GNG4: variants seen among roughly 807,000 people sequenced by gnomAD.
The protein encoded by GNG4 is G protein subunit gamma 4.
GNG4 carries 4 observed loss-of-function variants against 5.8 expected under a neutral mutation model. The ratio of observed to expected loss-of-function variants is 0.69; its 90% confidence interval spans 0.34 to 1.57. The LOEUF (loss-of-function observed/expected upper bound fraction) is 1.57. GNG4 is among the 40% of genes most tolerant of loss of function. GNG4 has a pLI of 0.06. For missense variants in GNG4, 96 were observed against 95.1 expected (o/e 1.01, Z -0.04); for synonymous variants, 29 against 32.9 (o/e 0.88, Z 0.41).
chr1:235,632,285 C>T (rs1200513534), intron 1 of GNG4, among the ~76,000 whole-genome samples: 1 of 152,076 alleles, frequency 6.6e-6, no homozygotes, highest in Non-Finnish European at 1.5e-5. Context: ...CAGGGTCTCA[C>T]TAGATTGCTT....
chr1:235,579,419 A>AAACC (rs1553366443), intron 3 of GNG4, among the ~76,000 whole-genome samples: 38 of 149,614 alleles, frequency 2.5e-4, no homozygotes, highest in South Asian at 2.3e-3. Context: ...TAAAAAAAAA[A>AAACC]AAGTAAATAC....
intron 3 of GNG4, among the ~76,000 whole-genome samples, chr1:235,555,421 G>A (rs1572607089): frequency 1.3e-5 from 2 of 152,138 alleles, no homozygotes; most frequent in African/African-American, 4.8e-5. Context: ...TGCTTCTCAG[G>A]TGCCAGCACT....
chr1:235,600,430 GTGTGTGTGTA>G (rs1358523519), intron 1 of GNG4, among the ~76,000 whole-genome samples: 5 of 102,602 alleles, frequency 4.9e-5, no homozygotes, highest in African/African-American at 2.1e-4. Flanking sequence ...GTGTGTGTGT[GTGTGTGTGTA>G]TATGTGTGTG....
At chr1:235,611,985 G>C (rs1336774188) in intron 1 of GNG4, among the ~76,000 whole-genome samples, 1 of 140,628 alleles carries the variant, frequency 7.1e-6, no homozygotes, top group African/African-American at 2.6e-5. Flanking sequence ...AATTGCTTGA[G>C]CCTGGGAGGT....
chr1:235,580,697 C>T (rs546317818), intron 3 of GNG4, among the ~76,000 whole-genome samples: 48 of 148,248 alleles, frequency 3.2e-4, no homozygotes, highest in African/African-American at 1.0e-3. Context: ...CTTGCTTTCA[C>T]GTTTCCATTA....
intron 1 of GNG4, among the ~76,000 whole-genome samples, chr1:235,619,973 T>C (rs923131164): frequency 6.6e-6 from 1 of 152,212 alleles, no homozygotes; most frequent in Non-Finnish European, 1.5e-5. Flanking sequence ...AATTGAAAAA[T>C]AAAATATGAA....
At chr1:235,573,246 A>G (rs1426019227) in intron 3 of GNG4, among the ~76,000 whole-genome samples, 1 of 145,864 alleles carries the variant, frequency 6.9e-6, no homozygotes, top group Non-Finnish European at 1.5e-5. Context: ...CAAACGCCGC[A>G]TGTTCTCACT....
intron 1 of GNG4, among the ~76,000 whole-genome samples, chr1:235,607,535 G>A (rs939023739): frequency 5.9e-5 from 9 of 152,246 alleles, no homozygotes; most frequent in Non-Finnish European, 1.0e-4. Context: ...AAGTGGTTCT[G>A]TGAATTATCT....
chr1:235,613,390 G>A (rs375329685), intron 1 of GNG4, among the ~76,000 whole-genome samples: 9 of 152,264 alleles, frequency 5.9e-5, no homozygotes, highest in African/African-American at 2.2e-4. Context: ...ATGATAATGG[G>A]GGTTTTAGGT....
At chr1:235,628,423 G>GA (rs140412029) in intron 1 of GNG4, among the ~76,000 whole-genome samples, 6,073 of 151,886 alleles carry the variant, frequency 0.04, 408 homozygotes, top group African/African-American at 0.14. Context: ...AGACGGGGGG[G>GA]GGTTACAAGA....
chr1:235,641,866 C>G (rs1027246220), intron 1 of GNG4, among the ~76,000 whole-genome samples: 7 of 152,174 alleles, frequency 4.6e-5, no homozygotes, highest in Non-Finnish European at 7.4e-5. Context: ...TTCCCTACCT[C>G]CCAGCCTTGT....
rs531036209 is a variant in GNG4, at chr1:235,551,227, G to A, written c.*882C>T. Reference sequence around the variant, plus strand: ...CCACGGCCCACAGCCGGGGCGCCACGGCCCCAGGAGGATATGCTAAGAAAA... The same window carrying A: ...CCACGGCCCACAGCCGGGGCGCCACAGCCCCAGGAGGATATGCTAAGAAAA... On this transcript the variant is annotated 3_prime_UTR_variant, in exon 4 of 4. Transcript: ENST00000391854. 1.3e-5 allele frequency: 2 copies of A among 152,404 alleles called. No individual in the cohort carries two copies. Among genetic ancestry groups the A allele is most frequent in the East Asian group, 1.9e-4 (1 of 5,186 alleles). The allele number at this position is 152,404 out of a possible 1,614,324, so 9.4% of individuals were successfully genotyped here.
chr1:235,621,217 C>CA (rs35400729), intron 1 of GNG4, among the ~76,000 whole-genome samples: 37,478 of 114,040 alleles, frequency 0.33, 6,175 homozygotes, highest in Non-Finnish European at 0.42. Flanking sequence ...GGAGATTAGC[C>CA]AAAAAAAAAA....
At chr1:235,567,290 TAC>T (rs973126554) in intron 3 of GNG4, among the ~76,000 whole-genome samples, 1 of 152,184 alleles carries the variant, frequency 6.6e-6, no homozygotes, top group Non-Finnish European at 1.5e-5. Context: ...TGTACATATA[TAC>T]ACATATATGT....
intron 3 of GNG4, among the ~76,000 whole-genome samples, chr1:235,579,445 C>G (rs7536870): frequency 6.6e-6 from 1 of 150,396 alleles, no homozygotes. Flanking sequence ...TAAAAAAAAA[C>G]CCAGAAAACA....
At chr1:235,586,787 C>T (rs1687769177) in intron 2 of GNG4, among the ~76,000 whole-genome samples, 1 of 152,338 alleles carries the variant, frequency 6.6e-6, no homozygotes, top group Admixed American at 6.5e-5. Context: ...TCACCAGGAA[C>T]AGATGCTGGC....
intron 1 of GNG4, among the ~76,000 whole-genome samples, chr1:235,605,971 A>T (rs1571909776): frequency 6.8e-6 from 1 of 146,794 alleles, no homozygotes; most frequent in African/African-American, 2.5e-5. Context: ...GGTGGGTCTC[A>T]CTGTGTTGCC....
chr1:235,580,914 C>T (rs911580221), intron 3 of GNG4, among the ~76,000 whole-genome samples: 1 of 152,006 alleles, frequency 6.6e-6, no homozygotes, highest in Non-Finnish European at 1.5e-5. Flanking sequence ...CCAGACCCAG[C>T]TAATTTTTGT....
rs74148731 is a variant in GNG4 at position 235,634,400 on chromosome 1, G to A, written c.-123+15262C>T. On this transcript the variant is annotated intron_variant, in intron 1 of 3. Coordinates refer to ENST00000391854, the MANE Select transcript of GNG4 (RefSeq NM_001098722.2). ...TTTTATAGGATGGAGCTTGTTCTGTGTGCTGGAGAGGGCTAAGTGCAGTAT... is the reference window on the plus strand; with the variant it reads ...TTTTATAGGATGGAGCTTGTTCTGTATGCTGGAGAGGGCTAAGTGCAGTAT... Among the ~76,000 whole-genome samples the A allele has an allele frequency of 4.0e-3, 610 of 152,336 alleles. 7 individuals carry two copies. The highest frequency in any genetic ancestry group is 0.013 in the African/African-American group (555 of 41,580).
Sources: gnomAD v4.1 joint callset for allele counts (sites outside exome capture counted in the v4.1 genomes callset) on GRCh38, gnomAD v4.1.1 for gene constraint, MANE v1.5 for transcripts, NCBI Gene and HGNC (gene_info 2026-07-23, HGNC 2026-07-21) for gene names.